Variants in LRMDA observed in about 807,000 individuals in gnomAD.
LRMDA encodes leucine rich melanocyte differentiation associated.
In LRMDA, 18 loss-of-function variants were observed where a neutral mutation model predicts 29.8. The observed-to-expected ratio is 0.60, with a 90% confidence interval of 0.42 to 0.90. LRMDA has a LOEUF of 0.90. Ranked by LOEUF, LRMDA falls within the 40% of genes least tolerant of loss-of-function variation. The probability of loss-of-function intolerance (pLI) is 0.00; values close to 1 mark genes in which losing one functional copy is unlikely to be tolerated. For missense variants in LRMDA, 273 were observed against 273.9 expected, an observed-to-expected ratio of 1.00 and a Z score of 0.02; for synonymous variants, 125 against 109.4, an observed-to-expected ratio of 1.14 and a Z score of -0.89.
At chr10:76,295,263 A>G (rs1840397626) in intron 5 of LRMDA, among the ~76,000 whole-genome samples, 1 of 152,210 alleles carries the variant, frequency 6.6e-6, no homozygotes, top group Non-Finnish European at 1.5e-5. Context: ...ATTGTTCTGG[A>G]AGAGCTAAGA....
At chr10:75,823,329 A>G (rs569316925) in intron 2 of LRMDA, among the ~76,000 whole-genome samples, 1 of 152,338 alleles carries the variant, frequency 6.6e-6, no homozygotes, top group East Asian at 1.9e-4. Context: ...AATAGAAGAC[A>G]TACAAGCAGC....
chr10:76,417,662 G>A lies in LRMDA; in HGVS notation c.601+93177G>A, dbSNP rs566603061. On this transcript the variant is annotated intron_variant, in intron 6 of 6. Transcript: ENST00000611255. ...TGTATATTTGGGGATTTTTGTTGTT[G>A]TTGTTCAATGTTAAACAGTATTCCA... Among the ~76,000 whole-genome samples the A allele has an allele frequency of 1.6e-3, 239 of 152,222 alleles. 1 individual carries two copies. Among genetic ancestry groups the A allele is most frequent in the African/African-American group, 5.5e-3 (228 of 41,540 alleles).
intron 5 of LRMDA, among the ~76,000 whole-genome samples, chr10:76,092,952 C>A (rs1467010311): frequency 6.6e-6 from 1 of 152,100 alleles, no homozygotes; most frequent in Non-Finnish European, 1.5e-5. Flanking sequence ...TAAAATGGAA[C>A]TCAGGTATTT....
intron 6 of LRMDA, among the ~76,000 whole-genome samples, chr10:76,386,279 G>A (rs116122565): frequency 1.3e-5 from 2 of 152,284 alleles, no homozygotes; most frequent in African/African-American, 4.8e-5. Context: ...TTTATTAAAT[G>A]CATAAATGAA....
At chr10:75,990,031 A>G (rs1477559905) in intron 2 of LRMDA, among the ~76,000 whole-genome samples, 2 of 152,180 alleles carry the variant, frequency 1.3e-5, no homozygotes, top group South Asian at 2.1e-4. Flanking sequence ...CCTTGATACA[A>G]TAACTGGTAA....
At chr10:76,068,429 G>A (rs914688889) in intron 5 of LRMDA, among the ~76,000 whole-genome samples, 2 of 152,116 alleles carry the variant, frequency 1.3e-5, no homozygotes, top group African/African-American at 4.8e-5. Flanking sequence ...TGGGGGTGGG[G>A]ATGGGGGATG....
At chr10:75,585,873 T>C (rs2132080204) in intron 2 of LRMDA, among the ~76,000 whole-genome samples, 1 of 152,352 alleles carries the variant, frequency 6.6e-6, no homozygotes, top group Middle Eastern at 3.4e-3. Flanking sequence ...TTCAACTCTT[T>C]GATTCTATGA....
intron 2 of LRMDA, among the ~76,000 whole-genome samples, chr10:75,563,848 T>A (rs1445691905): frequency 6.6e-6 from 1 of 151,604 alleles, no homozygotes. Context: ...AACAGCGGAT[T>A]TTCGTGAACT....
intron 5 of LRMDA, among the ~76,000 whole-genome samples, chr10:76,102,720 A>G (rs1176658076): frequency 6.6e-6 from 1 of 152,104 alleles, no homozygotes; most frequent in African/African-American, 2.4e-5. Context: ...TGGCGCAATC[A>G]TGGTTCACTG....
chr10:76,064,786 C>G (rs1848757151), intron 5 of LRMDA, among the ~76,000 whole-genome samples: 2 of 152,154 alleles, frequency 1.3e-5, no homozygotes, highest in Admixed American at 6.5e-5. Flanking sequence ...TTATAAATCA[C>G]AAGTACATTC....
intron 5 of LRMDA, among the ~76,000 whole-genome samples, chr10:76,150,914 C>T (rs1014531498): frequency 5.9e-5 from 9 of 152,100 alleles, no homozygotes; most frequent in Admixed American, 3.9e-4. Context: ...CGAGAGCTTG[C>T]GGCCAAGCAA....
At chr10:76,462,250 T>C (rs1008683799) in intron 6 of LRMDA, among the ~76,000 whole-genome samples, 2 of 152,012 alleles carry the variant, frequency 1.3e-5, no homozygotes, top group Admixed American at 6.6e-5. Context: ...ACTTAAATGT[T>C]TGAGGAGAAA....
chr10:76,235,054 A>G (rs1218437200), intron 5 of LRMDA, among the ~76,000 whole-genome samples: 1 of 152,210 alleles, frequency 6.6e-6, no homozygotes, highest in Non-Finnish European at 1.5e-5. Context: ...TTCCTCACTA[A>G]GCTTAATCAT....
At chr10:76,538,553 T>TAC (rs1377916771) in intron 6 of LRMDA, among the ~76,000 whole-genome samples, 10 of 142,012 alleles carry the variant, frequency 7.0e-5, no homozygotes, top group South Asian at 4.5e-4. Context: ...TGTATATATA[T>TAC]ATACACACAC....
chr10:75,647,953 T>C (rs1841544482), intron 2 of LRMDA, among the ~76,000 whole-genome samples: 1 of 151,786 alleles, frequency 6.6e-6, no homozygotes, highest in African/African-American at 2.4e-5. Flanking sequence ...TGCCTGAAGA[T>C]GGGGTATTGA....
At chr10:76,035,743 G>A (rs1259749518) in intron 2 of LRMDA, among the ~76,000 whole-genome samples, 1 of 152,176 alleles carries the variant, frequency 6.6e-6, no homozygotes, top group East Asian at 1.9e-4. Flanking sequence ...GAAGCCCTTT[G>A]TTTTGGATCC....
intron 6 of LRMDA, among the ~76,000 whole-genome samples, chr10:76,467,836 C>T (rs377342297): frequency 2.2e-4 from 34 of 152,194 alleles, no homozygotes; most frequent in South Asian, 1.2e-3. Flanking sequence ...TTGGAAGATC[C>T]GAGTCCAAGC....
chr10:76,347,433 C>G (rs1841122376), intron 6 of LRMDA, among the ~76,000 whole-genome samples: 1 of 152,142 alleles, frequency 6.6e-6, no homozygotes, highest in Non-Finnish European at 1.5e-5. Flanking sequence ...AGAGAAAGCA[C>G]AGGATGGCTC....
chr10:76,060,867 T>A (rs1258284512), intron 5 of LRMDA, among the ~76,000 whole-genome samples: 1 of 152,246 alleles, frequency 6.6e-6, no homozygotes, highest in Non-Finnish European at 1.5e-5. Context: ...TAGTTCATGT[T>A]TGTATGATTG....
Sources: allele counts gnomAD v4.1 joint callset (sites outside exome capture counted in the v4.1 genomes callset), GRCh38; gene constraint gnomAD v4.1.1; transcripts MANE v1.5; gene names NCBI Gene and HGNC (gene_info 2026-07-23, HGNC 2026-07-21).